Variants in MAGI2 observed in about 807,000 individuals in gnomAD.
MAGI2 encodes the protein membrane-associated guanylate kinase, WW and PDZ domain-containing protein 2.
MAGI2 carries 35 observed loss-of-function variants against 133.3 expected under a neutral mutation model. The observed-to-expected ratio is 0.26, with a 90% CI of 0.20 to 0.35. The LOEUF (loss-of-function observed/expected upper bound fraction) is 0.35, where lower values mean the gene tolerates loss of function less well. MAGI2 is among the 10% of genes least tolerant of loss of function. MAGI2 has a pLI of 1.00. For synonymous variants in MAGI2, 729 were observed against 710.6 expected (o/e 1.03, Z -0.41); for missense variants, 1,636 against 1,863.4 (o/e 0.88, Z 2.25).
At chr7:78,688,027 C>T (rs1300680596) in intron 2 of MAGI2, among the ~76,000 whole-genome samples, 2 of 88,812 alleles carry the variant, frequency 2.3e-5, no homozygotes, top group Non-Finnish European at 5.1e-5. Flanking sequence ...AAAAAGCAAA[C>T]AGAAAAACTT....
intron 2 of MAGI2, among the ~76,000 whole-genome samples, chr7:78,766,182 T>C (rs1406053754): frequency 6.6e-6 from 1 of 152,144 alleles, no homozygotes; most frequent in African/African-American, 2.4e-5. Flanking sequence ...GTTGTGCTTT[T>C]GTGGAAAGTG....
intron 20 of MAGI2, among the ~76,000 whole-genome samples, chr7:78,112,631 T>G (rs981862601): frequency 6.6e-6 from 1 of 152,054 alleles, no homozygotes; most frequent in Admixed American, 6.5e-5. Context: ...ATGTGCAGAG[T>G]TGGAAAACAC....
At chr7:78,573,072 TATATAC>T (rs1242023030) in intron 3 of MAGI2, among the ~76,000 whole-genome samples, 257 of 78,414 alleles carry the variant, frequency 3.3e-3, no homozygotes, top group African/African-American at 0.014. Context: ...TATATATATA[TATATAC>T]ACACACACAC....
intron 2 of MAGI2, among the ~76,000 whole-genome samples, chr7:78,998,096 G>C (rs1806490540): frequency 6.6e-6 from 1 of 152,148 alleles, no homozygotes; most frequent in Non-Finnish European, 1.5e-5. Context: ...AGGGACATCA[G>C]AGTTATGATG....
intron 1 of MAGI2, among the ~76,000 whole-genome samples, chr7:79,322,755 C>T (rs960825253): frequency 6.9e-6 from 1 of 144,810 alleles, no homozygotes; most frequent in Non-Finnish European, 1.5e-5. Flanking sequence ...CACTGTCATT[C>T]TGGGTGAGAA....
At chr7:78,069,027 C>A (rs1385033428) in intron 21 of MAGI2, among the ~76,000 whole-genome samples, 1 of 152,144 alleles carries the variant, frequency 6.6e-6, no homozygotes, top group Non-Finnish European at 1.5e-5. Context: ...AACTACAGGG[C>A]CAGACTCTCC....
At chr7:78,116,833 G>C (rs1343583106) in intron 20 of MAGI2, among the ~76,000 whole-genome samples, 1 of 151,824 alleles carries the variant, frequency 6.6e-6, no homozygotes, top group Non-Finnish European at 1.5e-5. Flanking sequence ...AGCCATGTTT[G>C]TACCACTGCA....
chr7:79,429,573 C>G (rs7802465), intron 1 of MAGI2, among the ~76,000 whole-genome samples: 14 of 151,890 alleles, frequency 9.2e-5, no homozygotes, highest in African/African-American at 2.9e-4. Flanking sequence ...ACCAAATGCT[C>G]GGATTATAGG....
At chr7:78,965,702 C>T (rs1356619331) in intron 2 of MAGI2, among the ~76,000 whole-genome samples, 2 of 152,000 alleles carry the variant, frequency 1.3e-5, no homozygotes, top group Non-Finnish European at 2.9e-5. Flanking sequence ...GTACAGAAAT[C>T]AAATCCTAGG....
At chr7:79,149,685 C>G (rs543155940) in intron 1 of MAGI2, among the ~76,000 whole-genome samples, 1 of 152,202 alleles carries the variant, frequency 6.6e-6, no homozygotes, top group South Asian at 2.1e-4. Context: ...CAGCCAAGAT[C>G]CAGGGAACCT....
chr7:78,473,442 C>T (rs1791429478), intron 6 of MAGI2, among the ~76,000 whole-genome samples: 1 of 152,062 alleles, frequency 6.6e-6, no homozygotes, highest in South Asian at 2.1e-4. Context: ...TATGACAATA[C>T]ACTTGCTTCA....
chr7:78,057,060 TTA>T (rs59064919), intron 21 of MAGI2, among the ~76,000 whole-genome samples: 156 of 145,862 alleles, frequency 1.1e-3, no homozygotes, highest in Non-Finnish European at 1.4e-3. Flanking sequence ...TATATATAAA[TTA>T]TATATATATA....
intron 6 of MAGI2, among the ~76,000 whole-genome samples, chr7:78,397,590 G>C (rs1234730506): frequency 6.6e-6 from 1 of 152,156 alleles, no homozygotes; most frequent in Non-Finnish European, 1.5e-5. Flanking sequence ...GGAACTTAGA[G>C]CTAAGGTATG....
intron 1 of MAGI2, among the ~76,000 whole-genome samples, chr7:79,277,540 A>G (rs1422079400): frequency 1.3e-5 from 2 of 152,018 alleles, no homozygotes; most frequent in African/African-American, 2.4e-5. Flanking sequence ...TCTAAAATGT[A>G]TATATATATA....
chr7:79,439,526 A>T (rs552805552), intron 1 of MAGI2, among the ~76,000 whole-genome samples: 3 of 152,194 alleles, frequency 2.0e-5, no homozygotes, highest in Non-Finnish European at 4.4e-5. Flanking sequence ...TTACTCTTGT[A>T]CCATCACACT....
chr7:78,273,273 T>C (rs1159130416), intron 9 of MAGI2, among the ~76,000 whole-genome samples: 1 of 152,230 alleles, frequency 6.6e-6, no homozygotes, highest in Non-Finnish European at 1.5e-5. Context: ...CCCTACTCTC[T>C]TCTGGCTTGT....
At chr7:79,004,390 G>A (rs1416783064) in intron 2 of MAGI2, among the ~76,000 whole-genome samples, 1 of 152,218 alleles carries the variant, frequency 6.6e-6, no homozygotes, top group Non-Finnish European at 1.5e-5. Flanking sequence ...TTACTCATAT[G>A]TTGGAGCTAA....
chr7:78,487,283 C>T (rs993269128), intron 6 of MAGI2: 8 of 199,264 alleles, frequency 4.0e-5, no homozygotes, highest in South Asian at 1.0e-4. Flanking sequence ...CAATTTTTAT[C>T]CTCCCCTCAA....
At chr7:79,220,032 T>C (rs1164174420) in intron 1 of MAGI2, among the ~76,000 whole-genome samples, 2 of 152,034 alleles carry the variant, frequency 1.3e-5, no homozygotes, top group Admixed American at 1.3e-4. Flanking sequence ...ATTACCAAAA[T>C]GTCTCCCTTA....
Sources: gnomAD v4.1 joint callset for allele counts (sites outside exome capture counted in the v4.1 genomes callset) on GRCh38, gnomAD v4.1.1 for gene constraint, MANE v1.5 for transcripts, NCBI Gene and HGNC (gene_info 2026-07-23, HGNC 2026-07-21) for gene names.